Variants in EYS observed in about 807,000 individuals in gnomAD.
EYS encodes the protein protein eyes shut homolog.
In EYS, 250 loss-of-function variants were observed where a neutral mutation model predicts 282.1. The observed-to-expected ratio is 0.89, with a 90% CI of 0.80 to 0.98. The LOEUF is 0.98. Ranked by LOEUF, EYS falls within the 50% of genes least tolerant of loss-of-function variation. EYS has a pLI of 0.00. For missense variants in EYS, 4,016 were observed against 3,709.0 expected, an observed-to-expected ratio of 1.08 and a Z score of -2.15; for synonymous variants, 1,355 against 1,282.9, an observed-to-expected ratio of 1.06 and a Z score of -1.20.
At chr6:64,895,484 T>G (rs1767432659) in intron 18 of EYS, among the ~76,000 whole-genome samples, 1 of 152,206 alleles carries the variant, frequency 6.6e-6, no homozygotes, top group African/African-American at 2.4e-5. Context: ...AAAGTTGATT[T>G]TAACAGAAGA....
intron 29 of EYS, among the ~76,000 whole-genome samples, chr6:64,379,989 AGG>A (rs1772690162): frequency 6.6e-6 from 1 of 152,200 alleles, no homozygotes; most frequent in African/African-American, 2.4e-5. Flanking sequence ...ACTAAAAATC[AGG>A]TGTCCTTGTT....
chr6:64,438,736 G>A (rs1214435610), intron 27 of EYS, among the ~76,000 whole-genome samples: 4 of 151,630 alleles, frequency 2.6e-5, no homozygotes, highest in Admixed American at 2.6e-4. Flanking sequence ...TGATCTATCA[G>A]TATGAATGTA....
intron 2 of EYS, among the ~76,000 whole-genome samples, chr6:65,504,209 T>A (rs4710293): frequency 0.13 from 18,419 of 144,778 alleles, 1,210 homozygotes; most frequent in South Asian, 0.19. Context: ...TTGGATACTA[T>A]TACAAATGGT....
chr6:64,137,929 A>G lies in EYS; in HGVS notation c.6425-55927T>C, dbSNP rs1241905518. On this transcript the variant is annotated intron_variant, in intron 31 of 42. Coordinates refer to ENST00000503581, the MANE Select transcript of EYS (RefSeq NM_001142800.2). ...AAACAAAAACAAAAACAAAAAAATA[A>G]CAAAACTCAGTATATGTGAAGCACA... is the stretch of plus-strand genomic sequence containing the variant. Among the ~76,000 whole-genome samples, 4 of 152,184 alleles carry G rather than the reference A, an allele frequency of 2.6e-5. No homozygotes were observed. The East Asian group carries it at 7.7e-4, about 29-fold the overall frequency.
Position 63,914,782 on chromosome 6 carries a change from A to G in EYS, c.7056-50424T>C, listed in dbSNP as rs141995544. Among the ~76,000 whole-genome samples the G allele has an allele frequency of 2.9e-3, 434 of 152,148 alleles. 6 individuals carry two copies. Among genetic ancestry groups the G allele is most frequent in the Admixed American group, 0.024 (361 of 15,290 alleles). ...TGGAGCAAGTTTTAGTGGTCTGGAT[A>G]GAAAAACAAACCAGACAACATTCCT... On this transcript the variant is annotated intron_variant, in intron 35 of 42. Coordinates refer to ENST00000503581, the MANE Select transcript of EYS (RefSeq NM_001142800.2).
At chr6:65,596,639 GA>G (rs763492511) in intron 2 of EYS, among the ~76,000 whole-genome samples, 2 of 151,730 alleles carry the variant, frequency 1.3e-5, no homozygotes, top group Non-Finnish European at 2.9e-5. Context: ...AATGCAGGAA[GA>G]ATTTTTTTTT....
intron 1 of EYS, among the ~76,000 whole-genome samples, chr6:65,706,059 T>C (rs1769866732): frequency 6.6e-6 from 1 of 151,712 alleles, no homozygotes; most frequent in South Asian, 2.1e-4. Flanking sequence ...TCAAAATTAA[T>C]GGCAAAATAA....
At chr6:63,842,968 A>G (rs1335919196) in intron 36 of EYS, among the ~76,000 whole-genome samples, 1 of 152,052 alleles carries the variant, frequency 6.6e-6, no homozygotes, top group East Asian at 1.9e-4. Context: ...TGGCCTACAT[A>G]TCTGTTTTGG....
At chr6:65,619,180 C>A (rs1766359707) in intron 2 of EYS, among the ~76,000 whole-genome samples, 1 of 151,732 alleles carries the variant, frequency 6.6e-6, no homozygotes, top group African/African-American at 2.4e-5. Flanking sequence ...TCTTCCTACC[C>A]ATGAGCATGG....
At chr6:64,861,466 G>A (rs2150048533) in intron 19 of EYS, among the ~76,000 whole-genome samples, 1 of 152,266 alleles carries the variant, frequency 6.6e-6, no homozygotes, top group East Asian at 1.9e-4. Context: ...CACAGCCATG[G>A]CTTGGGTGGC....
intron 36 of EYS, among the ~76,000 whole-genome samples, chr6:63,845,499 G>A (rs759715782): frequency 6.6e-6 from 1 of 151,398 alleles, no homozygotes; most frequent in South Asian, 2.1e-4. Context: ...GCACCACACT[G>A]CCCTTTACTC....
At chr6:63,978,993 T>C (rs1316940352) in intron 35 of EYS, among the ~76,000 whole-genome samples, 1 of 151,990 alleles carries the variant, frequency 6.6e-6, no homozygotes, top group African/African-American at 2.4e-5. Context: ...TTCTGAATGC[T>C]AAACAAATAC....
chr6:64,560,099 A>G (rs1370459707), intron 26 of EYS, among the ~76,000 whole-genome samples: 1 of 152,064 alleles, frequency 6.6e-6, no homozygotes, highest in Non-Finnish European at 1.5e-5. Context: ...GTATTTCTGT[A>G]TCTTATTCCA....
chr6:64,771,030 C>T (rs1401973151), intron 22 of EYS, among the ~76,000 whole-genome samples: 2 of 151,726 alleles, frequency 1.3e-5, no homozygotes, highest in African/African-American at 4.8e-5. Flanking sequence ...ATATTTAACA[C>T]TGATGAGCGC....
At chr6:64,698,584 A>G (rs1366006069) in intron 22 of EYS, among the ~76,000 whole-genome samples, 1 of 152,186 alleles carries the variant, frequency 6.6e-6, no homozygotes, top group East Asian at 1.9e-4. Flanking sequence ...GAAACTATGT[A>G]TCTGACAAAG....
chr6:64,581,103 A>G (rs1308371321), intron 26 of EYS, among the ~76,000 whole-genome samples: 1 of 152,168 alleles, frequency 6.6e-6, no homozygotes, highest in Non-Finnish European at 1.5e-5. Context: ...ATTTGAAGCT[A>G]TGAGTGAAAG....
chr6:65,350,500 T>C (rs1770557471), intron 9 of EYS, among the ~76,000 whole-genome samples: 1 of 151,692 alleles, frequency 6.6e-6, no homozygotes, highest in African/African-American at 2.4e-5. Context: ...TAGTACATGT[T>C]AAGTGTTTTA....
chr6:65,526,709 G>T (rs981323870), intron 2 of EYS, among the ~76,000 whole-genome samples: 1 of 152,194 alleles, frequency 6.6e-6, no homozygotes, highest in Admixed American at 6.5e-5. Flanking sequence ...AGAAGGCTGA[G>T]GCAGGGGAAT....
At chr6:64,651,914 G>C (rs1000372035) in intron 22 of EYS, among the ~76,000 whole-genome samples, 1 of 152,052 alleles carries the variant, frequency 6.6e-6, no homozygotes, top group Non-Finnish European at 1.5e-5. Context: ...CTTATCAAAA[G>C]ATTTTGCTGT....
Sources: gnomAD v4.1 joint callset for allele counts (sites outside exome capture counted in the v4.1 genomes callset) on GRCh38, gnomAD v4.1.1 for gene constraint, MANE v1.5 for transcripts, NCBI Gene and HGNC (gene_info 2026-07-23, HGNC 2026-07-21) for gene names.